The following CASQ2 variants were observed in gnomAD, a reference collection of about 807,000 sequenced individuals.
The protein encoded by CASQ2 is calsequestrin 2.
A neutral mutation model predicts 46.5 loss-of-function variants in CASQ2; 49 were observed. That is an observed-to-expected ratio of 1.05 (90% CI 0.84 to 1.34). CASQ2 has a LOEUF of 1.34. Among genes scored for constraint, CASQ2 ranks in the 40% most tolerant of loss-of-function variants. The probability of loss-of-function intolerance (pLI) is 0.00; values close to 1 mark genes in which losing one functional copy is unlikely to be tolerated. For synonymous variants in CASQ2, 174 were observed against 168.5 expected (o/e 1.03, Z -0.25); for missense variants, 486 against 481.3 (o/e 1.01, Z -0.09).
At chr1:115,763,407 C>G (rs939563817) in intron 1 of CASQ2, among the ~76,000 whole-genome samples, 2 of 152,084 alleles carry the variant, frequency 1.3e-5, no homozygotes, top group Non-Finnish European at 2.9e-5. Context: ...ACTCACTCCT[C>G]CTCTCTAGCC....
At chr1:115,749,327 T>G (rs144663980) in intron 1 of CASQ2, among the ~76,000 whole-genome samples, 63 of 152,334 alleles carry the variant, frequency 4.1e-4, no homozygotes, top group African/African-American at 1.5e-3. Flanking sequence ...AAGCATGGCC[T>G]TCTGGTTATC....
intron 1 of CASQ2, among the ~76,000 whole-genome samples, chr1:115,757,321 G>A (rs553076325): frequency 3.9e-5 from 6 of 152,264 alleles, no homozygotes; most frequent in East Asian, 1.9e-4. Context: ...AGAGAACTGC[G>A]ATTTAAAAGT....
intron 7 of CASQ2, among the ~76,000 whole-genome samples, chr1:115,718,757 G>T (rs991430930): frequency 2.0e-5 from 3 of 152,112 alleles, no homozygotes; most frequent in Admixed American, 6.5e-5. Flanking sequence ...CAAACAAGGC[G>T]CATTTCATGT....
At chr1:115,705,122 C>A (rs1654318458) in intron 9 of CASQ2, 70 bp downstream of exon 9, 3 of 1,008,234 alleles carry the variant, frequency 3.0e-6, no homozygotes, top group Non-Finnish European at 4.8e-6. Flanking sequence ...ATTTCACCTC[C>A]TCAGATGCTG....
chr1:115,707,941 G>T lies in CASQ2; in HGVS notation c.839-2649C>A, dbSNP rs914514386. Among the ~76,000 whole-genome samples the T allele has an allele frequency of 4.6e-5, 7 of 152,224 alleles. No homozygotes were observed. In the East Asian group the frequency reaches 7.7e-4, roughly 17 times the overall value. On this transcript the variant is annotated intron_variant, in intron 8 of 10. Coordinates refer to ENST00000261448, the MANE Select transcript of CASQ2 (RefSeq NM_001232.4). ...AAGGAGAGTCTAGGCAGGCACAAGT[G>T]TTGTGGAGGGACAGGATCTGTGACC...
intron 1 of CASQ2, among the ~76,000 whole-genome samples, chr1:115,767,221 T>A (rs756906950): frequency 8.5e-5 from 13 of 152,186 alleles, no homozygotes; most frequent in Non-Finnish European, 1.8e-4. Context: ...TAAAATAAAG[T>A]CTTAATAACT....
Position 115,768,474 on chromosome 1 carries a change from A to G in CASQ2, c.68T>C (p.Leu23Pro). 1.2e-6 allele frequency: 2 copies of G among 1,613,934 alleles called. No individual in the cohort carries two copies. The highest frequency in any genetic ancestry group is 2.7e-5 in the African/African-American group (2 of 75,044). ...FLSSCRAEEG[L>P]NFPTYDGKDR... ...CTTCCCATCATATGTGGGGAAATTAAGCCCCTCTTCTGCCCTGCAAGAGGA... is the reference window on the plus strand; with the variant it reads ...CTTCCCATCATATGTGGGGAAATTAGGCCCCTCTTCTGCCCTGCAAGAGGA... The change falls in exon 1 of 11, where the codon CTT becomes CCT. Residue 23 changes from leucine (L) to proline (P), a missense_variant. By Grantham distance (98) the Leu-to-Pro change is moderately conservative. Coordinates refer to ENST00000261448, the MANE Select transcript of CASQ2 (RefSeq NM_001232.4).
chr1:115,726,232 C>T (rs1034276370), intron 6 of CASQ2, among the ~76,000 whole-genome samples: 1 of 152,190 alleles, frequency 6.6e-6, no homozygotes, highest in African/African-American at 2.4e-5. Flanking sequence ...AGTCCACTAC[C>T]ATGTTCCATA....
At chr1:115,723,047 C>G (rs1269709007) in intron 7 of CASQ2, among the ~76,000 whole-genome samples, 1 of 150,688 alleles carries the variant, frequency 6.6e-6, no homozygotes, top group Non-Finnish European at 1.5e-5. Flanking sequence ...GAATCCGTCT[C>G]AAAAAAAATA....
intron 1 of CASQ2, among the ~76,000 whole-genome samples, chr1:115,752,907 G>A (rs557054622): frequency 6.5e-4 from 99 of 152,278 alleles, no homozygotes; most frequent in African/African-American, 2.4e-3. Flanking sequence ...CAGTGTCAGT[G>A]GGAGAAAAAG....
intron 10 of CASQ2, 66 bp downstream of exon 10, chr1:115,702,854 TA>T: frequency 8.3e-7 from 1 of 1,210,392 alleles, no homozygotes; most frequent in Non-Finnish European, 1.2e-6. Flanking sequence ...TCTCACAATC[TA>T]AGCTGTGTAG....
At chr1:115,739,280 T>TCTGG in intron 3 of CASQ2, among the ~76,000 whole-genome samples, 1 of 150,372 alleles carries the variant, frequency 6.7e-6, no homozygotes, top group East Asian at 2.0e-4. Context: ...GCTAAGTTTT[T>TCTGG]TTATTTTTGT....
intron 1 of CASQ2, among the ~76,000 whole-genome samples, chr1:115,748,730 C>T (rs1353305935): frequency 6.6e-6 from 1 of 152,124 alleles, no homozygotes; most frequent in Non-Finnish European, 1.5e-5. Context: ...TTTCTGGTTT[C>T]CAACATAAGC....
At chr1:115,715,750 A>G (rs1173960507) in intron 8 of CASQ2, among the ~76,000 whole-genome samples, 1 of 152,210 alleles carries the variant, frequency 6.6e-6, no homozygotes, top group African/African-American at 2.4e-5. Context: ...CTCTGTAAGA[A>G]ACTATGGAGG....
At chr1:115,744,372 TA>T (rs1648309878) in intron 2 of CASQ2, among the ~76,000 whole-genome samples, 2 of 152,158 alleles carry the variant, frequency 1.3e-5, no homozygotes, top group South Asian at 4.1e-4. Context: ...ACCTTAAATT[TA>T]AAAAGCACTG....
At chr1:115,718,018 A>T in intron 7 of CASQ2, 124 bp from the exon 8 acceptor site, 5 of 754,752 alleles carry the variant, frequency 6.6e-6, no homozygotes, top group Non-Finnish European at 1.2e-5. Context: ...GGAAGCGGGG[A>T]TGAACACAGA....
chr1:115,751,713 A>G (rs1384031074), intron 1 of CASQ2, among the ~76,000 whole-genome samples: 1 of 152,104 alleles, frequency 6.6e-6, no homozygotes, highest in African/African-American at 2.4e-5. Context: ...GGAGTAGGAC[A>G]AAAAAATAAG....
intron 3 of CASQ2, among the ~76,000 whole-genome samples, chr1:115,739,263 A>G (rs1648086825): frequency 6.6e-6 from 1 of 150,592 alleles, no homozygotes. Flanking sequence ...GCCCACCACC[A>G]TGCCCAGCTA....
In CASQ2 at chr1:115,716,084, A is replaced by C. The variant is rs1324294965; in HGVS notation, c.838+1756T>G. On this transcript the variant is annotated intron_variant, in intron 8 of 10. Coordinates refer to ENST00000261448, the MANE Select transcript of CASQ2 (RefSeq NM_001232.4). ...TACAAGAGACTGAGGTCCCCAGCAAATACCATGAAAGTCTACATTCCCTTG... is the reference window on the plus strand; with the variant it reads ...TACAAGAGACTGAGGTCCCCAGCAACTACCATGAAAGTCTACATTCCCTTG... 3.9e-5 allele frequency among the ~76,000 whole-genome samples: 6 copies of C among 152,218 alleles called. No homozygotes were observed. In the East Asian group the frequency reaches 1.2e-3, roughly 29 times the overall value.
Sources: allele counts gnomAD v4.1 joint callset (sites outside exome capture counted in the v4.1 genomes callset), GRCh38; gene constraint gnomAD v4.1.1; transcripts MANE v1.5; gene names NCBI Gene and HGNC (gene_info 2026-07-23, HGNC 2026-07-21).